DENND2C: variants seen among roughly 807,000 people sequenced by gnomAD.
DENND2C encodes the protein DENN domain containing 2C.
A neutral mutation model predicts 112.4 loss-of-function variants in DENND2C; 72 were observed. The observed-to-expected ratio is 0.64, with a 90% CI of 0.53 to 0.78. DENND2C has a LOEUF of 0.78. Ranked by LOEUF, DENND2C falls within the 30% of genes least tolerant of loss-of-function variation. The pLI is 0.00. For synonymous variants in DENND2C, 329 were observed against 381.6 expected, an observed-to-expected ratio of 0.86 and a Z score of 1.61; for missense variants, 992 against 1,113.8, an observed-to-expected ratio of 0.89 and a Z score of 1.56.
At chr1:114,618,504 A>G in intron 7 of DENND2C, 22 bp from the exon 8 acceptor site, 3 of 1,449,054 alleles carry the variant, frequency 2.1e-6, no homozygotes, top group Non-Finnish European at 2.8e-6. Context: ...CCAGAAAAAT[A>G]CAAATTAAGA....
rs1196789159 is a variant in DENND2C at position 114,621,967 on chromosome 1, C to G, written c.1155G>C (p.Pro385=). 2.5e-5 allele frequency: 38 copies of G among 1,550,628 alleles called. No individual in the cohort carries two copies. Among genetic ancestry groups the G allele is most frequent in the Non-Finnish European group, 3.0e-5 (34 of 1,147,034 alleles). The stretch of plus-strand genomic sequence containing the variant: ...AAAGCTTCCATTCCGTTAAAGTGAC[C>G]GGCAAAGTTGTATCTTTTGTAAGCT... ...RSKLTKDTTL[P]VTLTEWKLFR... The change falls in exon 7 of 21, where the codon CCG becomes CCC. Residue 385 remains proline, a synonymous_variant. Coordinates refer to ENST00000393274, the MANE Select transcript of DENND2C (RefSeq NM_001256404.2).
At chr1:114,651,222 G>A (rs991714224) in intron 2 of DENND2C, among the ~76,000 whole-genome samples, 2 of 151,898 alleles carry the variant, frequency 1.3e-5, no homozygotes, top group South Asian at 2.1e-4. Context: ...AGGATCACTT[G>A]AGGCTAAGAG....
Position 114,585,713 on chromosome 1 carries a change from A to G in DENND2C, c.2756-82T>C, listed in dbSNP as rs1232244215. The G allele has an allele frequency of 9.1e-6, 13 of 1,422,288 alleles. No homozygotes were observed. In the Admixed American group the frequency reaches 1.7e-4, roughly 19 times the overall value. The allele number at this position is 1,422,288 out of a possible 1,614,324, so 88.1% of individuals were successfully genotyped here. A position where few individuals can be genotyped will look rare whatever the true frequency, so the allele number is the denominator to read the frequency against. On this transcript the variant is annotated intron_variant, in intron 20 of 20. Coordinates refer to ENST00000393274, the MANE Select transcript of DENND2C (RefSeq NM_001256404.2). ...ATTTGAGGTAAGGGATTAACAGGTCAGTCATTCAGAACAGCCCAAGAGTTA... is the reference window on the plus strand; with the variant it reads ...ATTTGAGGTAAGGGATTAACAGGTCGGTCATTCAGAACAGCCCAAGAGTTA...
At chr1:114,636,606 C>G (rs1320923343) in intron 3 of DENND2C, among the ~76,000 whole-genome samples, 1 of 151,880 alleles carries the variant, frequency 6.6e-6, no homozygotes, top group East Asian at 1.9e-4. Flanking sequence ...TCTGAGAGGT[C>G]GAGGCTGCAG....
At chr1:114,598,786 A>G (rs1655413623) in intron 16 of DENND2C, among the ~76,000 whole-genome samples, 1 of 152,122 alleles carries the variant, frequency 6.6e-6, no homozygotes, top group Non-Finnish European at 1.5e-5. Context: ...GATTCAAGCA[A>G]TTCTCCTGCC....
At position 114,625,797 on chromosome 1, in the gene DENND2C, A is replaced by G. The variant is rs1480895944; in HGVS notation, c.188T>C (p.Ile63Thr). ...CAAGTTTTTGCTCTTTCTCTCAGCT[A>G]TAGGATTTTTCTTAAGACGGATCTC... ...HQEIRLKKNP[I>T]AERKSKNLDV... Residue 63 changes from isoleucine to threonine, a missense_variant, in exon 4 of 21, where the codon ATA becomes ACA. Around this residue, in one of 3 missense-constraint regions of DENND2C, gnomAD observed 470 missense variants for 472.7 expected, o/e 0.99. Transcript: ENST00000393274. 6.2e-7 allele frequency: 1 copy of G among 1,613,942 alleles called. No individual in the cohort carries two copies. Among genetic ancestry groups the G allele is most frequent in the East Asian group, 2.2e-5 (1 of 44,870 alleles).
At chr1:114,590,621 A>C (rs1468233789) in intron 18 of DENND2C, among the ~76,000 whole-genome samples, 1 of 150,958 alleles carries the variant, frequency 6.6e-6, no homozygotes, top group Non-Finnish European at 1.5e-5. Flanking sequence ...TACTAAAAAT[A>C]CAAAAAATTA....
Position 114,600,784 on chromosome 1 carries a change from A to C in DENND2C, c.1956+36T>G. On this transcript the variant is annotated intron_variant, in intron 14 of 20. Coordinates refer to ENST00000393274, the MANE Select transcript of DENND2C (RefSeq NM_001256404.2). ...CCTACTAGTGTAAGTCCTGCTTTTT[A>C]GTGCTATCAAATCTTTTCAAAATGA... The C allele has an allele frequency of 1.9e-6, 3 of 1,596,418 alleles. No individual in the cohort carries two copies. In the South Asian group the frequency reaches 3.4e-5, roughly 18 times the overall value.
intron 8 of DENND2C, among the ~76,000 whole-genome samples, chr1:114,617,494 A>G (rs184146073): frequency 4.1e-4 from 63 of 152,162 alleles, no homozygotes; most frequent in Admixed American, 7.2e-4. Flanking sequence ...TATTTTTAGT[A>G]GAGACAGGTT....
At position 114,625,191 on chromosome 1, in the gene DENND2C, C is replaced by A. The variant is rs1317275455; in HGVS notation, c.794G>T (p.Gly265Val). ...GATAAAAACATACCTTTTAGATCTT[C>A]CTCTGATTTTTCCACCATATTTCTT... ...EPKKYGGKIR[G>V]RSKRKSFEFE... Residue 265 changes from glycine (G) to valine (V), a missense_variant, in exon 4 of 21, where the codon GGA becomes GTA. This residue lies in a region of DENND2C where 470 missense variants were observed against 472.7 expected (regional missense o/e 0.99). Coordinates refer to ENST00000393274, the MANE Select transcript of DENND2C (RefSeq NM_001256404.2). 3 of 1,606,794 alleles carry A rather than the reference C, an allele frequency of 1.9e-6. No individual in the cohort carries two copies. Among genetic ancestry groups the A allele is most frequent in the Non-Finnish European group, 2.5e-6 (3 of 1,177,918 alleles).
chr1:114,592,211 C>A (rs1655213880), intron 18 of DENND2C, among the ~76,000 whole-genome samples: 1 of 152,020 alleles, frequency 6.6e-6, no homozygotes, highest in Non-Finnish European at 1.5e-5. Context: ...AATGGTCCAT[C>A]CTTTTTCCAC....
intron 1 of DENND2C, among the ~76,000 whole-genome samples, chr1:114,669,755 G>T (rs1657738710): frequency 1.3e-5 from 2 of 152,040 alleles, no homozygotes; most frequent in South Asian, 4.2e-4. Flanking sequence ...GGCCACGAGA[G>T]GACGTCCCAA....
intron 1 of DENND2C, among the ~76,000 whole-genome samples, chr1:114,665,261 C>A (rs1657614723): frequency 8.1e-6 from 1 of 123,358 alleles, no homozygotes; most frequent in African/African-American, 3.3e-5. Flanking sequence ...AGAGCAAGAC[C>A]CTGTCTCTTG....
At chr1:114,656,311 C>T (rs985170580) in intron 1 of DENND2C, among the ~76,000 whole-genome samples, 2 of 151,798 alleles carry the variant, frequency 1.3e-5, no homozygotes, top group Non-Finnish European at 2.9e-5. Flanking sequence ...TGGCCTCAAG[C>T]GATCCTCCTG....
At chr1:114,635,575 A>G (rs116208106) in intron 3 of DENND2C, among the ~76,000 whole-genome samples, 21 of 152,316 alleles carry the variant, frequency 1.4e-4, no homozygotes, top group Non-Finnish European at 2.8e-4. Context: ...CTCATTCAGA[A>G]AACAGAGGAA....
chr1:114,664,189 C>T (rs560296589), intron 1 of DENND2C, among the ~76,000 whole-genome samples: 1 of 152,152 alleles, frequency 6.6e-6, no homozygotes, highest in Admixed American at 6.5e-5. Context: ...ATCTTCCCAT[C>T]TTGGCCTCCC....
At chr1:114,653,012 A>T (rs566781210) in intron 2 of DENND2C, among the ~76,000 whole-genome samples, 5 of 152,080 alleles carry the variant, frequency 3.3e-5, no homozygotes, top group Non-Finnish European at 7.4e-5. Flanking sequence ...AATCTTTTCG[A>T]TCCGTGATTG....
At chr1:114,645,184 A>G (rs901656049) in intron 3 of DENND2C, among the ~76,000 whole-genome samples, 1 of 152,168 alleles carries the variant, frequency 6.6e-6, no homozygotes, top group Non-Finnish European at 1.5e-5. Flanking sequence ...AGGGTGTTAT[A>G]GATCGAACCG....
At chr1:114,651,309 C>A (rs553600754) in intron 2 of DENND2C, among the ~76,000 whole-genome samples, 7 of 105,890 alleles carry the variant, frequency 6.6e-5, no homozygotes, top group Admixed American at 5.4e-4. Context: ...ACACACACGC[C>A]AAGTATGAAA....
Sources: allele counts gnomAD v4.1 joint callset (sites outside exome capture counted in the v4.1 genomes callset), GRCh38; gene constraint gnomAD v4.1.1; regional missense constraint gnomAD v4.1.1; transcripts MANE v1.5; gene names NCBI Gene and HGNC (gene_info 2026-07-23, HGNC 2026-07-21).